GOLPH3L: variants seen among roughly 807,000 people sequenced by gnomAD.
GOLPH3L encodes Golgi phosphoprotein 3-like.
In GOLPH3L, 22 loss-of-function variants were observed where a neutral mutation model predicts 30.3. That is an observed-to-expected ratio of 0.73 (90% CI 0.52 to 1.04). The LOEUF is 1.04. Ranked by LOEUF, GOLPH3L falls within the 50% of genes least tolerant of loss-of-function variation. The probability of loss-of-function intolerance (pLI) is 0.00; values close to 1 mark genes in which losing one functional copy is unlikely to be tolerated. For missense variants in GOLPH3L, 303 were observed against 345.8 expected (o/e 0.88, Z 0.98); for synonymous variants, 120 against 128.2 (o/e 0.94, Z 0.43).
chr1:150,676,125 C>T (rs1159369738), intron 2 of GOLPH3L, among the ~76,000 whole-genome samples: 1 of 152,000 alleles, frequency 6.6e-6, no homozygotes, highest in East Asian at 1.9e-4. Flanking sequence ...CAGCGCATGC[C>T]ACCATGCCTG....
chr1:150,695,741 C>A (rs918182403), intron 1 of GOLPH3L, among the ~76,000 whole-genome samples: 1 of 152,112 alleles, frequency 6.6e-6, no homozygotes, highest in Non-Finnish European at 1.5e-5. Flanking sequence ...TTGGAGATCA[C>A]AAGTCTAGAC....
chr1:150,658,989 C>A (rs587635271), intron 4 of GOLPH3L, among the ~76,000 whole-genome samples: 14 of 152,326 alleles, frequency 9.2e-5, no homozygotes, highest in Admixed American at 3.3e-4. Flanking sequence ...GCACACCTGA[C>A]CTTAATGCCA....
At chr1:150,659,257 T>C (rs774871842) in intron 4 of GOLPH3L, among the ~76,000 whole-genome samples, 3 of 152,204 alleles carry the variant, frequency 2.0e-5, no homozygotes, top group Non-Finnish European at 4.4e-5. Context: ...AATCTGGCCA[T>C]AAACTGGCCC....
At chr1:150,694,020 T>G (rs1217250601) in intron 2 of GOLPH3L, 2 of 283,756 alleles carry the variant, frequency 7.0e-6, no homozygotes, top group Non-Finnish European at 1.4e-5. Context: ...CCGCCACACA[T>G]GGCTAATTTT....
At chr1:150,668,157 A>T (rs1442649206) in intron 2 of GOLPH3L, among the ~76,000 whole-genome samples, 1 of 152,292 alleles carries the variant, frequency 6.6e-6, no homozygotes, top group East Asian at 1.9e-4. Flanking sequence ...TCCTGACCAG[A>T]CTACAAATTC....
At chr1:150,696,433 G>T (rs1571061548) in intron 1 of GOLPH3L, among the ~76,000 whole-genome samples, 1 of 152,008 alleles carries the variant, frequency 6.6e-6, no homozygotes, top group Non-Finnish European at 1.5e-5. Flanking sequence ...TGGTATAGCT[G>T]TCTCTCAACT....
At chr1:150,685,226 C>CT (rs1238561096) in intron 2 of GOLPH3L, among the ~76,000 whole-genome samples, 1 of 152,012 alleles carries the variant, frequency 6.6e-6, no homozygotes, top group Non-Finnish European at 1.5e-5. Flanking sequence ...AGTATTTTCC[C>CT]TTTTTCTGAC....
At chr1:150,690,682 T>C (rs1290674183) in intron 2 of GOLPH3L, among the ~76,000 whole-genome samples, 1 of 152,196 alleles carries the variant, frequency 6.6e-6, no homozygotes, top group African/African-American at 2.4e-5. Flanking sequence ...CTACTCACAG[T>C]TATCTCCCAA....
At chr1:150,667,505 C>G (rs1650533481) in intron 2 of GOLPH3L, among the ~76,000 whole-genome samples, 1 of 152,028 alleles carries the variant, frequency 6.6e-6, no homozygotes, top group Non-Finnish European at 1.5e-5. Flanking sequence ...AGTTGGCCAG[C>G]CTTTGGGAAC....
chr1:150,680,253 G>C (rs377177754), intron 2 of GOLPH3L, among the ~76,000 whole-genome samples: 5 of 152,222 alleles, frequency 3.3e-5, no homozygotes, highest in African/African-American at 9.6e-5. Context: ...CCCAGAGAGA[G>C]GTATATGAAA....
At position 150,647,781 on chromosome 1, in the gene GOLPH3L, C is replaced by G. The variant is rs1333887160; in HGVS notation, c.*540G>C. ...TAGAAAAGGAAAGATGAGAAAATCA[C>G]TAGCAGGATATGCAATTCCAGAGAC... is the stretch of plus-strand genomic sequence containing the variant. On this transcript the variant is annotated 3_prime_UTR_variant, in exon 5 of 5. Coordinates refer to ENST00000271732, the MANE Select transcript of GOLPH3L (RefSeq NM_018178.6). The G allele has an allele frequency of 6.5e-6, 1 of 152,774 alleles. No homozygotes were observed. Among genetic ancestry groups the G allele is most frequent in the Non-Finnish European group, 1.5e-5 (1 of 68,176 alleles). The allele number at this position is 152,774 out of a possible 1,614,324, so 9.5% of individuals were successfully genotyped here.
intron 2 of GOLPH3L, among the ~76,000 whole-genome samples, chr1:150,665,327 CT>C (rs72378434): frequency 8.5e-4 from 123 of 144,836 alleles, no homozygotes; most frequent in Middle Eastern, 3.5e-3. Context: ...TTTGGGGTTA[CT>C]TTTTTTTTTT....
chr1:150,671,220 C>T (rs935376468), intron 2 of GOLPH3L, among the ~76,000 whole-genome samples: 76 of 148,928 alleles, frequency 5.1e-4, no homozygotes, highest in African/African-American at 1.5e-3. Context: ...CCAGCCTGGG[C>T]GGCAGAGTAA....
At chr1:150,662,546 G>T (rs1320711219) in intron 3 of GOLPH3L, among the ~76,000 whole-genome samples, 3 of 152,054 alleles carry the variant, frequency 2.0e-5, no homozygotes, top group Admixed American at 6.6e-5. Context: ...GGAAAAACAA[G>T]ACCTGCCTAG....
intron 4 of GOLPH3L, among the ~76,000 whole-genome samples, chr1:150,659,649 T>A (rs890888207): frequency 1.3e-5 from 2 of 152,048 alleles, no homozygotes; most frequent in African/African-American, 4.8e-5. Context: ...TATATTTCTG[T>A]GTGTGTGTGT....
intron 2 of GOLPH3L, among the ~76,000 whole-genome samples, chr1:150,669,181 T>C (rs1473931659): frequency 1.3e-5 from 2 of 152,172 alleles, no homozygotes; most frequent in East Asian, 1.9e-4. Flanking sequence ...AACACCTGTA[T>C]AACTACAAGA....
At chr1:150,694,163 TTGA>T (rs920121269) in intron 2 of GOLPH3L, 2 of 451,314 alleles carry the variant, frequency 4.4e-6, no homozygotes, top group East Asian at 7.9e-5. Flanking sequence ...AATCCAACTG[TTGA>T]TATTTGCCTT....
intron 2 of GOLPH3L, among the ~76,000 whole-genome samples, chr1:150,669,556 C>G (rs887678188): frequency 2.0e-5 from 3 of 152,130 alleles, no homozygotes; most frequent in Admixed American, 1.3e-4. Context: ...CAAAGGCTAT[C>G]TAAAGAAAAT....
At chr1:150,653,422 T>C (rs1650171896) in intron 4 of GOLPH3L, among the ~76,000 whole-genome samples, 1 of 148,658 alleles carries the variant, frequency 6.7e-6, no homozygotes, top group South Asian at 2.1e-4. Context: ...CAGCCTCCTA[T>C]GTTAGATTTA....
Sources: gnomAD v4.1 joint callset for allele counts (sites outside exome capture counted in the v4.1 genomes callset) on GRCh38, gnomAD v4.1.1 for gene constraint, MANE v1.5 for transcripts, NCBI Gene and HGNC (gene_info 2026-07-23, HGNC 2026-07-21) for gene names.